SORCS2: variants seen among roughly 807,000 people sequenced by gnomAD.
SORCS2 encodes sortilin related VPS10 domain containing receptor 2, also known as VPS10 domain-containing receptor SorCS2.
In SORCS2, 100 loss-of-function variants were observed where a neutral mutation model predicts 141.6. The ratio of observed to expected loss-of-function variants is 0.71; its 90% CI spans 0.60 to 0.83. The LOEUF is 0.83. Among genes scored for constraint, SORCS2 ranks in the 40% least tolerant of loss-of-function variants. The pLI is 0.00. For missense variants in SORCS2, 1,646 were observed against 1,560.2 expected (o/e 1.05, Z -0.93); for synonymous variants, 789 against 676.9 (o/e 1.17, Z -2.57).
At position 7,487,489 on chromosome 4, in the gene SORCS2, A is replaced by G. The variant is rs138019185; in HGVS notation, c.549-44041A>G. On this transcript the variant is annotated intron_variant, in intron 2 of 26. Transcript: ENST00000507866. ...GGACACCAGGGTGGTGGCTTGTTGA[A>G]TGCAATGTAAATTGTAAGGAAAAAT... Among the ~76,000 whole-genome samples the G allele has an allele frequency of 2.8e-4, 42 of 152,308 alleles. 1 individual carries two copies. The East Asian group carries it at 7.6e-3, about 27-fold the overall frequency.
intron 2 of SORCS2, among the ~76,000 whole-genome samples, chr4:7,453,815 GCTGTGTTGGGGCCAGGCA>G (rs1728666789): frequency 8.0e-6 from 1 of 124,228 alleles, no homozygotes; most frequent in Non-Finnish European, 1.7e-5. Flanking sequence ...AGGGTCAGGT[GCTGTGTTGGGGCCAGGCA>G]CTGTGTTGGG....
At chr4:7,418,910 TG>T (rs1437382719) in intron 2 of SORCS2, among the ~76,000 whole-genome samples, 1 of 152,168 alleles carries the variant, frequency 6.6e-6, no homozygotes, top group Non-Finnish European at 1.5e-5. Flanking sequence ...TGGGGAAGAC[TG>T]GGCCAAATGA....
At chr4:7,550,930 G>T (rs922644956) in intron 3 of SORCS2, among the ~76,000 whole-genome samples, 1 of 152,192 alleles carries the variant, frequency 6.6e-6, no homozygotes, top group South Asian at 2.1e-4. Flanking sequence ...TGAACCAGCT[G>T]AGCTTGGCTT....
intron 2 of SORCS2, among the ~76,000 whole-genome samples, chr4:7,446,393 G>T (rs895226511): frequency 5.3e-5 from 8 of 152,220 alleles, no homozygotes; most frequent in Non-Finnish European, 1.0e-4. Flanking sequence ...CTTCACTAGG[G>T]ATTGGGGCTT....
At position 7,553,552 on chromosome 4, in the gene SORCS2, G is replaced by C. The variant is rs112927863; in HGVS notation, c.648+21923G>C. On this transcript the variant is annotated intron_variant, in intron 3 of 26. Coordinates refer to ENST00000507866, the MANE Select transcript of SORCS2 (RefSeq NM_020777.3). ...GAACATCATGAACTGTATGTCCAGG[G>C]ACTTGTCTTCAAATGAGACTGCCTG... 4.9e-3 allele frequency among the ~76,000 whole-genome samples: 741 copies of C among 152,312 alleles called. 3 individuals are homozygous for C. The highest frequency in any genetic ancestry group is 0.017 in the African/African-American group (720 of 41,558).
chr4:7,692,788 G>C (rs1347615577), intron 11 of SORCS2, among the ~76,000 whole-genome samples: 2 of 152,200 alleles, frequency 1.3e-5, no homozygotes, highest in African/African-American at 4.8e-5. Context: ...ACACAGGGAG[G>C]ACACTCTAGG....
At chr4:7,235,428 G>A (rs559732281) in intron 1 of SORCS2, among the ~76,000 whole-genome samples, 1 of 152,342 alleles carries the variant, frequency 6.6e-6, no homozygotes, top group East Asian at 1.9e-4. Flanking sequence ...CATGGCCACT[G>A]GCCTGAGGTC....
rs553810425 is a variant in SORCS2 at position 7,294,399 on chromosome 4, G to T, written c.480+101273G>T. On this transcript the variant is annotated intron_variant, in intron 1 of 26. Transcript: ENST00000507866. ...GGACTATGAGGCCAGAGGTAGGGCA[G>T]GAGGCTGTGTCTCCCCGCAGCCGAC... Among the ~76,000 whole-genome samples the T allele has an allele frequency of 1.9e-3, 291 of 152,148 alleles. 1 individual carries two copies. The highest frequency in any genetic ancestry group is 3.3e-3 in the Non-Finnish European group (227 of 67,944).
chr4:7,193,087 C>T lies in SORCS2; in HGVS notation c.441C>T (p.His147=). Residue 147 remains histidine (H), a synonymous_variant, in exon 1 of 27, where the codon CAC becomes CAT. Transcript: ENST00000507866. This position sits in a 1 kb window ranked among gnomAD's most constrained non-coding sequence, Gnocchi z 4.8. ...TCGTGCTCAAGGGGGACGCGACGCA[C>T]AACCAGGCGATGGTGCACTGGACGG... is the stretch of plus-strand genomic sequence containing the variant. The part of the protein sequence containing the change: ...TSFVLKGDAT[H]NQAMVHWTGE... 6.4e-7 allele frequency: 1 copy of T among 1,561,576 alleles called. No homozygotes were observed. The highest frequency in any genetic ancestry group is 8.6e-7 in the Non-Finnish European group (1 of 1,163,138).
intron 1 of SORCS2, among the ~76,000 whole-genome samples, chr4:7,224,346 T>A (rs1230537914): frequency 1.3e-5 from 2 of 151,870 alleles, no homozygotes; most frequent in East Asian, 3.9e-4. Context: ...GGAGGTGGAG[T>A]GGCTTTTTAA....
Position 7,661,538 on chromosome 4 carries a change from A to G in SORCS2, c.926A>G (p.His309Arg). 1.3e-6 allele frequency: 2 copies of G among 1,551,876 alleles called. No homozygotes were observed. Among genetic ancestry groups the G allele is most frequent in the Non-Finnish European group, 1.7e-6 (2 of 1,147,142 alleles). The change falls in exon 6 of 27, where the codon CAC becomes CGC. Residue 309 changes from histidine to arginine, a missense_variant. Physicochemically the swap from His to Arg is conservative, Grantham distance 29 (BLOSUM62 0). Coordinates refer to ENST00000507866, the MANE Select transcript of SORCS2 (RefSeq NM_020777.3). The part of the protein sequence containing the change: ...SGVDADPDLV[H>R]VEAQDLGGDF... ...GTGGACGCTGACCCTGACTTGGTCCACGTGGAAGCCCAAGACCTCGGTGGA... is the reference window on the plus strand; with the variant it reads ...GTGGACGCTGACCCTGACTTGGTCCGCGTGGAAGCCCAAGACCTCGGTGGA...
At position 7,454,541 on chromosome 4, in the gene SORCS2, T is replaced by C. The variant is rs549347332; in HGVS notation, c.548+58186T>C. On this transcript the variant is annotated intron_variant, in intron 2 of 26. Transcript: ENST00000507866. ...TGCTGTGTTGGGGTCAGCTGCTGTGTTGGGGTCAGGCACTGTGTTGGGGTC... is the reference window on the plus strand; with the variant it reads ...TGCTGTGTTGGGGTCAGCTGCTGTGCTGGGGTCAGGCACTGTGTTGGGGTC... Among the ~76,000 whole-genome samples, 131 of 131,522 alleles carry C rather than the reference T, an allele frequency of 1.0e-3. 1 individual carries two copies. Among genetic ancestry groups the C allele is most frequent in the Middle Eastern group, 4.8e-3 (1 of 210 alleles). 86.3% of individuals were successfully genotyped at this position (131,522 alleles called of 152,430 possible).
In SORCS2 at chr4:7,633,242, C is replaced by T. The variant is rs540081537; in HGVS notation, c.649-5086C>T. Among the ~76,000 whole-genome samples, 5 of 152,196 alleles carry T rather than the reference C, an allele frequency of 3.3e-5. No individual in the cohort carries two copies. In the East Asian group the frequency reaches 9.7e-4, roughly 29 times the overall value. On this transcript the variant is annotated intron_variant, in intron 3 of 26. Coordinates refer to ENST00000507866, the MANE Select transcript of SORCS2 (RefSeq NM_020777.3). ...TGGTTGTCAGGATGCAAACATCCTC[C>T]GCTAACTGGAGACACACAAGGAGTT...
intron 2 of SORCS2, among the ~76,000 whole-genome samples, chr4:7,492,839 C>T (rs770159923): frequency 2.0e-5 from 3 of 152,242 alleles, no homozygotes; most frequent in African/African-American, 4.8e-5. Context: ...TACCATTTCC[C>T]GTGCACCTGC....
intron 12 of SORCS2, among the ~76,000 whole-genome samples, chr4:7,702,386 C>A (rs1725145986): frequency 2.0e-5 from 3 of 152,226 alleles, no homozygotes; most frequent in Admixed American, 2.0e-4. Context: ...TGGGGCAGGC[C>A]CCTTGTGTCC....
intron 1 of SORCS2, among the ~76,000 whole-genome samples, chr4:7,326,089 T>TACAGAGGC (rs1374577995): frequency 1.3e-5 from 2 of 152,002 alleles, no homozygotes; most frequent in African/African-American, 4.8e-5. Flanking sequence ...GATCAGCATT[T>TACAGAGGC]ACAGAGGCTC....
At chr4:7,607,848 C>T (rs894651172) in intron 3 of SORCS2, among the ~76,000 whole-genome samples, 2 of 152,124 alleles carry the variant, frequency 1.3e-5, no homozygotes, top group Admixed American at 6.5e-5. Flanking sequence ...CCCCCAGCCC[C>T]AGGGCTGTCT....
At chr4:7,530,450 C>G (rs1233876834) in intron 2 of SORCS2, among the ~76,000 whole-genome samples, 1 of 152,236 alleles carries the variant, frequency 6.6e-6, no homozygotes, top group African/African-American at 2.4e-5. Flanking sequence ...GGAAGCCCCA[C>G]AAGGCATGCT....
At chr4:7,605,173 G>A (rs147546032) in intron 3 of SORCS2, among the ~76,000 whole-genome samples, 2 of 152,280 alleles carry the variant, frequency 1.3e-5, no homozygotes, top group African/African-American at 2.4e-5. Context: ...AAGGTCCAGA[G>A]TAGCTGCAGC....
Sources: allele counts gnomAD v4.1 joint callset (sites outside exome capture counted in the v4.1 genomes callset), GRCh38; gene constraint gnomAD v4.1.1; non-coding constraint Gnocchi (gnomAD v3.1); transcripts MANE v1.5; gene names NCBI Gene and HGNC (gene_info 2026-07-23, HGNC 2026-07-21).